Variants in NKAIN3 observed in about 807,000 individuals in gnomAD.
NKAIN3 encodes sodium/potassium-transporting ATPase subunit beta-1-interacting protein 3.
A neutral mutation model predicts 30.2 loss-of-function variants in NKAIN3; 25 were observed. That is an observed-to-expected ratio of 0.83 (90% CI 0.60 to 1.16). NKAIN3 has a LOEUF of 1.16. Among genes scored for constraint, NKAIN3 ranks in the 50% most tolerant of loss-of-function variants. The pLI is 0.00. For synonymous variants in NKAIN3, 91 were observed against 89.6 expected, an observed-to-expected ratio of 1.02 and a Z score of -0.09; for missense variants, 225 against 254.1, an observed-to-expected ratio of 0.89 and a Z score of 0.78.
intron 3 of NKAIN3, among the ~76,000 whole-genome samples, chr8:62,674,168 CTA>C (rs1352210214): frequency 1.3e-5 from 2 of 152,184 alleles, no homozygotes; most frequent in African/African-American, 4.8e-5. Context: ...CCTCCTCCAC[CTA>C]TCGCTCTGGC....
At chr8:62,627,890 C>T (rs10504353) in intron 3 of NKAIN3, among the ~76,000 whole-genome samples, 5,861 of 152,052 alleles carry the variant, frequency 0.039, 391 homozygotes, top group African/African-American at 0.13. Flanking sequence ...CCAACTGGGA[C>T]GTGGTTTCCT....
rs189988037 is a variant in NKAIN3, at chr8:62,528,455, A to G, written c.55-51084A>G. Among the ~76,000 whole-genome samples, 277 of 151,532 alleles carry G rather than the reference A, an allele frequency of 1.8e-3. 1 individual carries two copies. Among genetic ancestry groups the G allele is most frequent in the African/African-American group, 5.9e-3 (243 of 41,312 alleles). On this transcript the variant is annotated intron_variant, in intron 1 of 6. Transcript: ENST00000623646. ...GGCTTTGTGGTTCCTTCTGACAAGC[A>G]TCGAATCTATTCCACTACTTTCTCC...
At chr8:62,518,429 G>A (rs990909240) in intron 1 of NKAIN3, among the ~76,000 whole-genome samples, 8 of 152,106 alleles carry the variant, frequency 5.3e-5, no homozygotes, top group Non-Finnish European at 1.0e-4. Flanking sequence ...GGGCTATTTA[G>A]TTAATCTCTC....
At chr8:62,575,637 A>G (rs1167735890) in intron 1 of NKAIN3, among the ~76,000 whole-genome samples, 1 of 152,154 alleles carries the variant, frequency 6.6e-6, no homozygotes, top group Non-Finnish European at 1.5e-5. Context: ...ATGTAGTCAC[A>G]AAACACCCAG....
chr8:62,249,872 G>C lies in NKAIN3; in HGVS notation c.54+745G>C, dbSNP rs977743725. On this transcript the variant is annotated intron_variant, in intron 1 of 6. Coordinates refer to ENST00000623646, the MANE Select transcript of NKAIN3 (RefSeq NM_001304533.3). ...TTAGAAACTAGAGTGGGGAAAAAAG[G>C]CCCTTTCAGAGCAGAGCAAATGCTC... Among the ~76,000 whole-genome samples the C allele has an allele frequency of 3.9e-5, 6 of 152,184 alleles. No homozygotes were observed. The South Asian group carries it at 6.2e-4, about 16-fold the overall frequency.
intron 1 of NKAIN3, among the ~76,000 whole-genome samples, chr8:62,513,293 AC>A (rs1391817129): frequency 1.3e-5 from 2 of 151,340 alleles, no homozygotes; most frequent in African/African-American, 4.9e-5. Flanking sequence ...AACTAGATGG[AC>A]TGAAGCTAAA....
At chr8:62,478,075 A>T (rs1806577806) in intron 1 of NKAIN3, among the ~76,000 whole-genome samples, 1 of 152,162 alleles carries the variant, frequency 6.6e-6, no homozygotes, top group South Asian at 2.1e-4. Context: ...AACTTCCCAA[A>T]TCCTCATCTC....
At chr8:62,396,853 A>C (rs1270055570) in intron 1 of NKAIN3, among the ~76,000 whole-genome samples, 15 of 152,190 alleles carry the variant, frequency 9.9e-5, no homozygotes, top group Admixed American at 9.8e-4. Context: ...ATAACGACTT[A>C]CTTTGGTATT....
chr8:62,649,143 CA>C (rs1159212109), intron 3 of NKAIN3, among the ~76,000 whole-genome samples: 1 of 152,124 alleles, frequency 6.6e-6, no homozygotes, highest in African/African-American at 2.4e-5. Context: ...AAGCATATTT[CA>C]AAAATGGATC....
At chr8:62,764,832 A>T (rs185841834) in intron 4 of NKAIN3, among the ~76,000 whole-genome samples, 2 of 152,346 alleles carry the variant, frequency 1.3e-5, no homozygotes, top group East Asian at 3.9e-4. Context: ...AAAGAAAACA[A>T]ATTCTTTTCA....
chr8:62,788,965 A>G (rs867613613), intron 4 of NKAIN3, among the ~76,000 whole-genome samples: 5 of 152,078 alleles, frequency 3.3e-5, no homozygotes, highest in South Asian at 4.1e-4. Flanking sequence ...GTCAGGTAGC[A>G]TGATGCCTCC....
intron 4 of NKAIN3, among the ~76,000 whole-genome samples, chr8:62,903,421 G>A (rs1159787766): frequency 6.6e-6 from 1 of 152,042 alleles, no homozygotes; most frequent in Non-Finnish European, 1.5e-5. Context: ...TAAATAAGAG[G>A]ACCGTCTCTC....
intron 4 of NKAIN3, among the ~76,000 whole-genome samples, chr8:62,764,124 G>T (rs1816760518): frequency 6.6e-6 from 1 of 152,208 alleles, no homozygotes; most frequent in African/African-American, 2.4e-5. Flanking sequence ...TGCCCTTTGG[G>T]TTGGATTTAG....
chr8:62,345,962 C>T (rs1585707057), intron 1 of NKAIN3, among the ~76,000 whole-genome samples: 1 of 152,038 alleles, frequency 6.6e-6, no homozygotes, highest in East Asian at 1.9e-4. Context: ...GTGAAGCAAG[C>T]CAGGCACAGA....
chr8:62,817,849 C>T (rs540613294), intron 4 of NKAIN3, among the ~76,000 whole-genome samples: 2 of 152,274 alleles, frequency 1.3e-5, no homozygotes, highest in African/African-American at 4.8e-5. Flanking sequence ...GACCAGGGTC[C>T]AGCAGGTCTG....
chr8:62,503,226 G>A (rs1479406111), intron 1 of NKAIN3, among the ~76,000 whole-genome samples: 1 of 152,152 alleles, frequency 6.6e-6, no homozygotes, highest in Non-Finnish European at 1.5e-5. Context: ...CACCAGGGGT[G>A]ACATCACATA....
chr8:62,975,383 T>C lies in NKAIN3; in HGVS notation c.*9976T>C, dbSNP rs1257384843. On this transcript the variant is annotated 3_prime_UTR_variant, in exon 7 of 7. Transcript: ENST00000623646. Reference sequence around the variant, plus strand: ...TCAGGGATTCAACTTCTTCCTGGGTTAGTCATGGTAGGGTGAATGTGTCCA... The same window carrying C: ...TCAGGGATTCAACTTCTTCCTGGGTCAGTCATGGTAGGGTGAATGTGTCCA... Among the ~76,000 whole-genome samples, 1 of 152,198 alleles carries C rather than the reference T, an allele frequency of 6.6e-6. No homozygotes were observed. Among genetic ancestry groups the C allele is most frequent in the African/African-American group, 2.4e-5 (1 of 41,452 alleles).
chr8:62,892,628 A>T (rs1451299092), intron 4 of NKAIN3, among the ~76,000 whole-genome samples: 1 of 152,158 alleles, frequency 6.6e-6, no homozygotes, highest in Non-Finnish European at 1.5e-5. Flanking sequence ...AAGAACAGGA[A>T]CTCTTAAATA....
At chr8:62,515,420 T>C (rs927382771) in intron 1 of NKAIN3, among the ~76,000 whole-genome samples, 1 of 152,114 alleles carries the variant, frequency 6.6e-6, no homozygotes, top group African/African-American at 2.4e-5. Context: ...CCTCTATCTC[T>C]CCCATGCCAC....
Sources: allele counts gnomAD v4.1 joint callset (sites outside exome capture counted in the v4.1 genomes callset), GRCh38; gene constraint gnomAD v4.1.1; transcripts MANE v1.5; gene names NCBI Gene and HGNC (gene_info 2026-07-23, HGNC 2026-07-21).